Variants in EYS observed in about 807,000 individuals in gnomAD.
EYS encodes protein eyes shut homolog.
A neutral mutation model predicts 282.1 loss-of-function variants in EYS; 250 were observed. That is an observed-to-expected ratio of 0.89 (90% CI 0.80 to 0.98). The LOEUF is 0.98. Ranked by LOEUF, EYS falls within the 50% of genes least tolerant of loss-of-function variation. EYS has a pLI of 0.00. For synonymous variants in EYS, 1,355 were observed against 1,282.9 expected (o/e 1.06, Z -1.20); for missense variants, 4,016 against 3,709.0 (o/e 1.08, Z -2.15).
intron 12 of EYS, among the ~76,000 whole-genome samples, chr6:65,227,156 AC>A (rs1205841551): frequency 1.4e-5 from 2 of 144,274 alleles, no homozygotes; most frequent in Admixed American, 6.9e-5. Context: ...AACAACAACA[AC>A]CAAAAAAAAA....
Position 64,035,399 on chromosome 6 carries a change from C to A in EYS, c.6725+30939G>T, listed in dbSNP as rs1306253158. Among the ~76,000 whole-genome samples, 2 of 152,098 alleles carry A rather than the reference C, an allele frequency of 1.3e-5. 1 individual carries two copies. The highest frequency in any genetic ancestry group is 2.9e-5 in the Non-Finnish European group (2 of 68,022). ...CAGTTATAGCCTTAAAAATCTATGA[C>A]TCATAGGGAGGAGAAAGAAACTAGG... On this transcript the variant is annotated intron_variant, in intron 33 of 42. Transcript: ENST00000503581.
intron 26 of EYS, among the ~76,000 whole-genome samples, chr6:64,574,380 A>G (rs1765818035): frequency 6.6e-6 from 1 of 152,176 alleles, no homozygotes. Flanking sequence ...CCTATGTAAT[A>G]AAACTGTACG....
intron 29 of EYS, among the ~76,000 whole-genome samples, chr6:64,314,360 A>T (rs1241298253): frequency 1.3e-5 from 2 of 152,168 alleles, no homozygotes; most frequent in Non-Finnish European, 2.9e-5. Flanking sequence ...TGCAACCAAT[A>T]CAGGAGCACC....
chr6:64,344,351 T>C (rs1191691110), intron 29 of EYS, among the ~76,000 whole-genome samples: 1 of 151,854 alleles, frequency 6.6e-6, no homozygotes, highest in Non-Finnish European at 1.5e-5. Context: ...TCAAAAAGCT[T>C]ATCCACCATG....
chr6:65,493,559 A>T (rs146821385), intron 4 of EYS, among the ~76,000 whole-genome samples: 11 of 152,122 alleles, frequency 7.2e-5, no homozygotes, highest in African/African-American at 2.2e-4. Flanking sequence ...TGTTCCCTAC[A>T]TTTTTTCAGT....
intron 11 of EYS, chr6:65,331,606 G>C: frequency 1.0e-6 from 1 of 977,610 alleles, no homozygotes; most frequent in Non-Finnish European, 1.2e-6. Context: ...AGATTCTCTG[G>C]ATATCAAAAA....
chr6:64,711,995 TTGA>T (rs1771230291), intron 22 of EYS, among the ~76,000 whole-genome samples: 1 of 152,156 alleles, frequency 6.6e-6, no homozygotes, highest in Non-Finnish European at 1.5e-5. Context: ...AGGGTGGGGA[TTGA>T]TAAGAGGAAA....
intron 22 of EYS, among the ~76,000 whole-genome samples, chr6:64,808,691 A>G (rs1764508734): frequency 6.6e-6 from 1 of 152,024 alleles, no homozygotes; most frequent in Non-Finnish European, 1.5e-5. Flanking sequence ...TAACTACCAC[A>G]GCAAATTTAT....
At chr6:64,563,179 C>A (rs1404640380) in intron 26 of EYS, among the ~76,000 whole-genome samples, 1 of 151,938 alleles carries the variant, frequency 6.6e-6, no homozygotes, top group Non-Finnish European at 1.5e-5. Context: ...AGGTCAATGA[C>A]CACCTAAGTT....
rs1314390509 is a variant in EYS at position 64,747,067 on chromosome 6, T to C, written c.3443+66311A>G. ...ACTCTGCAGGCCACCCATCTGTAAC[T>C]ATTCTCTGGGTAGAACAACAGTTAG... is the stretch of plus-strand genomic sequence containing the variant. On this transcript the variant is annotated intron_variant, in intron 22 of 42. Transcript: ENST00000503581. Among the ~76,000 whole-genome samples the C allele has an allele frequency of 2.0e-5, 3 of 152,210 alleles. No individual in the cohort carries two copies. The East Asian group carries it at 5.8e-4, about 29-fold the overall frequency.
chr6:64,326,308 G>T (rs1033667373), intron 29 of EYS, among the ~76,000 whole-genome samples: 1 of 151,894 alleles, frequency 6.6e-6, no homozygotes, highest in Non-Finnish European at 1.5e-5. Context: ...TTTATTACAG[G>T]CCCAGCGTAA....
At chr6:64,801,822 A>G (rs1190272474) in intron 22 of EYS, among the ~76,000 whole-genome samples, 2 of 152,022 alleles carry the variant, frequency 1.3e-5, no homozygotes, top group East Asian at 1.9e-4. Context: ...AAGGAAGTGG[A>G]CATGGTAGAA....
chr6:64,359,705 G>C (rs943520837), intron 29 of EYS, among the ~76,000 whole-genome samples: 11 of 151,624 alleles, frequency 7.3e-5, no homozygotes, highest in Admixed American at 6.6e-4. Context: ...CTTTCTCACT[G>C]TGTCCTCAAA....
intron 8 of EYS, among the ~76,000 whole-genome samples, chr6:65,367,276 G>A (rs1764947675): frequency 6.6e-6 from 1 of 151,586 alleles, no homozygotes; most frequent in African/African-American, 2.4e-5. Flanking sequence ...AAGCATCTTG[G>A]TAGAAGAGCT....
At chr6:64,287,962 T>C (rs1768558134) in intron 30 of EYS, among the ~76,000 whole-genome samples, 1 of 152,108 alleles carries the variant, frequency 6.6e-6, no homozygotes, top group African/African-American at 2.4e-5. Flanking sequence ...AACTAATGTG[T>C]TCCTAAGTGA....
Position 64,532,015 on chromosome 6 carries a change from C to A in EYS, c.5644+58208G>T, listed in dbSNP as rs138165526. ...AAGCATGAGAGGTAAGACAATTCTA[C>A]CAGGCAACCAGGGTTTTTATGCAAT... On this transcript the variant is annotated intron_variant, in intron 26 of 42. Coordinates refer to ENST00000503581, the MANE Select transcript of EYS (RefSeq NM_001142800.2). 2.0e-5 allele frequency among the ~76,000 whole-genome samples: 3 copies of A among 152,230 alleles called. No homozygotes were observed. The East Asian group carries it at 5.8e-4, about 29-fold the overall frequency.
chr6:65,581,228 A>T (rs1764857864), intron 2 of EYS, among the ~76,000 whole-genome samples: 1 of 152,044 alleles, frequency 6.6e-6, no homozygotes, highest in African/African-American at 2.4e-5. Flanking sequence ...TTAAATATAG[A>T]GGGGAAAAAA....
intron 13 of EYS, among the ~76,000 whole-genome samples, chr6:65,018,294 T>C (rs972793547): frequency 1.3e-5 from 2 of 151,370 alleles, no homozygotes; most frequent in Non-Finnish European, 3.0e-5. Context: ...TTCTGAGGGC[T>C]GTAAGAGAGA....
chr6:65,689,803 G>A (rs896147167), intron 1 of EYS, among the ~76,000 whole-genome samples: 4 of 149,604 alleles, frequency 2.7e-5, no homozygotes, highest in Admixed American at 1.3e-4. Flanking sequence ...ACCCAACATC[G>A]CCAGATATTG....
Sources: gnomAD v4.1 joint callset for allele counts (sites outside exome capture counted in the v4.1 genomes callset) on GRCh38, gnomAD v4.1.1 for gene constraint, MANE v1.5 for transcripts, NCBI Gene and HGNC (gene_info 2026-07-23, HGNC 2026-07-21) for gene names.